Variants in MAN1C1 observed in about 807,000 individuals in gnomAD.
MAN1C1 encodes the protein mannosidase alpha class 1C member 1, also known as mannosyl-oligosaccharide 1,2-alpha-mannosidase IC.
In MAN1C1, 49 loss-of-function variants were observed where a neutral mutation model predicts 71.5. The ratio of observed to expected loss-of-function variants is 0.69; its 90% CI spans 0.54 to 0.87. The LOEUF (loss-of-function observed/expected upper bound fraction) is 0.87, where lower values mean the gene tolerates loss of function less well. Among genes scored for constraint, MAN1C1 ranks in the 40% least tolerant of loss-of-function variants. The pLI, the probability that MAN1C1 is intolerant of heterozygous loss-of-function variation, is 0.00. For missense variants in MAN1C1, 743 were observed against 835.0 expected, an observed-to-expected ratio of 0.89 and a Z score of 1.36; for synonymous variants, 352 against 343.7, an observed-to-expected ratio of 1.02 and a Z score of -0.27.
In MAN1C1 at chr1:25,725,909, A is replaced by C. The variant is rs1475526103; in HGVS notation, c.638-20759A>C. On this transcript the variant is annotated intron_variant, in intron 2 of 11. Transcript: ENST00000374332. The surrounding 1 kb of genome is among the most constrained non-coding windows in gnomAD (Gnocchi z 4.8). The stretch of plus-strand genomic sequence containing the variant: ...CCATCCTGGGCTGAGGCTCAGCGGT[A>C]CGGCATGCTGAGCTGAGTGTGGCTG... 1.3e-5 allele frequency among the ~76,000 whole-genome samples: 2 copies of C among 152,216 alleles called. No homozygotes were observed. Among genetic ancestry groups the C allele is most frequent in the Non-Finnish European group, 2.9e-5 (2 of 68,040 alleles).
rs79155701 is a variant in MAN1C1 at position 25,683,416 on chromosome 1, T to C, written c.541-3024T>C. Among the ~76,000 whole-genome samples, 253 of 152,346 alleles carry C rather than the reference T, an allele frequency of 1.7e-3. 1 individual carries two copies. The highest frequency in any genetic ancestry group is 5.9e-3 in the African/African-American group (244 of 41,582). On this transcript the variant is annotated intron_variant, in intron 1 of 11. Transcript: ENST00000374332. ...GCCACGTGTTAAGCTCCAGAGCCAA[T>C]TCAGCAAATACTTAACAAGCACCTT...
chr1:25,657,836 A>G (rs2045789727), intron 1 of MAN1C1, among the ~76,000 whole-genome samples: 1 of 152,332 alleles, frequency 6.6e-6, no homozygotes, highest in Middle Eastern at 3.4e-3. Flanking sequence ...GAAAACACCC[A>G]TGTAACTCTT....
rs751891215 is a variant in MAN1C1, at chr1:25,730,298, G to A, written c.638-16370G>A. 1.3e-5 allele frequency among the ~76,000 whole-genome samples: 2 copies of A among 152,118 alleles called. No individual in the cohort carries two copies. The highest frequency in any genetic ancestry group is 1.9e-4 in the East Asian group (1 of 5,194). ...AGAGGCAGAGACTGGCCTTCTCCAC[G>A]CATGATTAAGCACGATGGCTTTTTA... is the stretch of plus-strand genomic sequence containing the variant. On this transcript the variant is annotated intron_variant, in intron 2 of 11. Coordinates refer to ENST00000374332, the MANE Select transcript of MAN1C1 (RefSeq NM_020379.4). This position sits in a 1 kb window ranked among gnomAD's most constrained non-coding sequence, Gnocchi z 4.3.
chr1:25,739,136 A>G (rs1160839149), intron 2 of MAN1C1, among the ~76,000 whole-genome samples: 1 of 152,210 alleles, frequency 6.6e-6, no homozygotes, highest in Non-Finnish European at 1.5e-5. Flanking sequence ...CCCTGTCTCA[A>G]AAAAATAAAG....
chr1:25,722,787 G>A (rs111716056), intron 2 of MAN1C1, among the ~76,000 whole-genome samples: 2 of 152,270 alleles, frequency 1.3e-5, no homozygotes, highest in African/African-American at 4.8e-5. Flanking sequence ...TAAATGTGGG[G>A]CAGAAGAGAA....
At chr1:25,720,980 A>G (rs1415995425) in intron 2 of MAN1C1, among the ~76,000 whole-genome samples, 1 of 152,196 alleles carries the variant, frequency 6.6e-6, no homozygotes, top group Non-Finnish European at 1.5e-5. Context: ...AGTTGAGCAT[A>G]GTATCAGGTA....
intron 2 of MAN1C1, among the ~76,000 whole-genome samples, chr1:25,689,000 C>G (rs921338367): frequency 1.3e-5 from 2 of 152,196 alleles, no homozygotes; most frequent in African/African-American, 4.8e-5. Context: ...CCTCTGCAGC[C>G]AGCAGATCAG....
chr1:25,618,582 C>G (rs999763596), intron 1 of MAN1C1, among the ~76,000 whole-genome samples: 1 of 152,082 alleles, frequency 6.6e-6, no homozygotes, highest in Non-Finnish European at 1.5e-5. Context: ...CAGCTGAACC[C>G]CTAGACCAAC....
rs200970567 is a variant in MAN1C1 at position 25,656,095 on chromosome 1, C to T, written c.541-30345C>T. 1.6e-3 allele frequency among the ~76,000 whole-genome samples: 123 copies of T among 74,920 alleles called. 1 individual carries two copies. Among genetic ancestry groups the T allele is most frequent in the African/African-American group, 4.3e-3 (53 of 12,196 alleles). 49.2% of individuals were successfully genotyped at this position (74,920 alleles called of 152,430 possible). On this transcript the variant is annotated intron_variant, in intron 1 of 11. Coordinates refer to ENST00000374332, the MANE Select transcript of MAN1C1 (RefSeq NM_020379.4). ...TATGTCTTAGGTTGGGATTATCAGTCTTTTTTTTTTTTTTTTTTTTTTGAG... is the reference window on the plus strand; with the variant it reads ...TATGTCTTAGGTTGGGATTATCAGTTTTTTTTTTTTTTTTTTTTTTTTGAG...
At chr1:25,692,360 C>CCATA (rs1327715726) in intron 2 of MAN1C1, among the ~76,000 whole-genome samples, 1 of 152,202 alleles carries the variant, frequency 6.6e-6, no homozygotes, top group African/African-American at 2.4e-5. Context: ...ATGCCAGGCA[C>CCATA]CATAGCTGTA....
chr1:25,686,448 G>GT lies in MAN1C1; in HGVS notation c.552dup (p.Ala185CysfsTer6). The GT allele has an allele frequency of 6.2e-7, 1 of 1,614,080 alleles. No homozygotes were observed. Among genetic ancestry groups the GT allele is most frequent in the Non-Finnish European group, 8.5e-7 (1 of 1,179,944 alleles). ...GCTGCTTTTTCTTGCAGATGATGCAGTTTGCTTGGCAGAGCTATAAGCGTT... is the reference window on the plus strand; with the variant it reads ...GCTGCTTTTTCTTGCAGATGATGCAGTTTTGCTTGGCAGAGCTATAAGCGTT... On this transcript the variant is annotated frameshift_variant, in exon 2 of 12. Transcript: ENST00000374332. LOFTEE classifies it high-confidence loss of function.
intron 1 of MAN1C1, among the ~76,000 whole-genome samples, chr1:25,660,986 T>C (rs2045839014): frequency 1.3e-5 from 2 of 152,230 alleles, no homozygotes; most frequent in African/African-American, 4.8e-5. Context: ...CCACCATGCC[T>C]GGCCAAAAGT....
intron 2 of MAN1C1, among the ~76,000 whole-genome samples, chr1:25,707,077 T>C (rs992731241): frequency 1.3e-5 from 2 of 152,262 alleles, no homozygotes; most frequent in Admixed American, 6.5e-5. Context: ...TTGAGCTTGA[T>C]GATCCAGACT....
chr1:25,617,172 C>G lies in MAN1C1; in HGVS notation c.-626C>G, dbSNP rs538588469. The stretch of plus-strand genomic sequence containing the variant: ...TCCCTGGCCACTCCGGCTCCCAGCT[C>G]CCGGCGCCCTCTCCGCGGCGGAGAA... On this transcript the variant is annotated 5_prime_UTR_variant, in exon 1 of 12. Transcript: ENST00000374332. The surrounding 1 kb of genome is among the most constrained non-coding windows in gnomAD (Gnocchi z 5.1). Among the ~76,000 whole-genome samples, 1 of 151,714 alleles carries G rather than the reference C, an allele frequency of 6.6e-6. No homozygotes were observed. Among genetic ancestry groups the G allele is most frequent in the African/African-American group, 2.4e-5 (1 of 41,354 alleles).
chr1:25,662,489 T>C (rs1407003289), intron 1 of MAN1C1, among the ~76,000 whole-genome samples: 1 of 152,210 alleles, frequency 6.6e-6, no homozygotes, highest in Non-Finnish European at 1.5e-5. Flanking sequence ...TAACATTTTC[T>C]CGTGTCACAG....
intron 1 of MAN1C1, among the ~76,000 whole-genome samples, chr1:25,662,416 C>G (rs912079039): frequency 6.6e-6 from 1 of 152,174 alleles, no homozygotes; most frequent in Non-Finnish European, 1.5e-5. Flanking sequence ...TAGTCATATT[C>G]CTCTGTGGAG....
chr1:25,697,955 A>G (rs1416772793), intron 2 of MAN1C1, among the ~76,000 whole-genome samples: 1 of 152,074 alleles, frequency 6.6e-6, no homozygotes. Context: ...CAAACCCCAC[A>G]ATGTTCAAAG....
chr1:25,781,194 G>C, intron 10 of MAN1C1, 82 bp downstream of exon 10: 1 of 1,510,482 alleles, frequency 6.6e-7, no homozygotes, highest in Admixed American at 1.8e-5. Flanking sequence ...CCCTGGCTTG[G>C]GCCTGGAGTG....
rs184594055 is a variant in MAN1C1, at chr1:25,764,443, C to T, written c.1141+476C>T. On this transcript the variant is annotated intron_variant, in intron 7 of 11. Transcript: ENST00000374332. The surrounding 1 kb of genome is among the most constrained non-coding windows in gnomAD (Gnocchi z 4.4). ...TTTTTTTGTTTTTGAGACAGAGTCTCACTCTGTCACCCAGGCCGGAGTGCA... is the reference window on the plus strand; with the variant it reads ...TTTTTTTGTTTTTGAGACAGAGTCTTACTCTGTCACCCAGGCCGGAGTGCA... 6.7e-4 allele frequency among the ~76,000 whole-genome samples: 102 copies of T among 152,138 alleles called. No individual in the cohort carries two copies. Among genetic ancestry groups the T allele is most frequent in the Admixed American group, 1.7e-3 (26 of 15,300 alleles).
Sources: gnomAD v4.1 joint callset for allele counts (sites outside exome capture counted in the v4.1 genomes callset) on GRCh38, gnomAD v4.1.1 for gene constraint, Gnocchi (gnomAD v3.1) non-coding constraint, MANE v1.5 for transcripts, NCBI Gene and HGNC (gene_info 2026-07-23, HGNC 2026-07-21) for gene names.